The following PRKN variants were observed in gnomAD, a reference collection of about 807,000 sequenced individuals.
PRKN encodes parkin RBR E3 ubiquitin protein ligase, also known as E3 ubiquitin-protein ligase parkin.
PRKN carries 56 observed loss-of-function variants against 59.5 expected under a neutral mutation model. The ratio of observed to expected loss-of-function variants is 0.94; its 90% CI spans 0.76 to 1.18. The LOEUF (loss-of-function observed/expected upper bound fraction) is 1.18. Among genes scored for constraint, PRKN ranks in the 50% most tolerant of loss-of-function variants. The pLI is 0.00. For synonymous variants in PRKN, 250 were observed against 222.1 expected (o/e 1.13, Z -1.12); for missense variants, 657 against 596.4 (o/e 1.10, Z -1.06).
intron 9 of PRKN, among the ~76,000 whole-genome samples, chr6:161,439,295 G>A (rs1789077616): frequency 6.6e-6 from 1 of 152,210 alleles, no homozygotes; most frequent in Admixed American, 6.5e-5. Flanking sequence ...AGGAAATCAA[G>A]AGGGCAGAGC....
At chr6:161,505,048 G>C (rs1445152688) in intron 9 of PRKN, among the ~76,000 whole-genome samples, 3 of 151,636 alleles carry the variant, frequency 2.0e-5, no homozygotes, top group Non-Finnish European at 4.4e-5. Context: ...CCAGTAATGG[G>C]ATGGCTGGGT....
chr6:161,497,577 T>TCTCACACACA lies in PRKN; in HGVS notation c.1083+51276_1083+51277insTGTGTGTGAG, dbSNP rs369404858. 7.0e-4 allele frequency among the ~76,000 whole-genome samples: 103 copies of TCTCACACACA among 147,476 alleles called. No homozygotes were observed. Among genetic ancestry groups the TCTCACACACA allele is most frequent in the African/African-American group, 1.9e-3 (75 of 39,798 alleles). ...ATGTCTCTCTCTCTCTCTCTCTCTC[T>TCTCACACACA]CACACACACACACACACACACCATA... is the stretch of plus-strand genomic sequence containing the variant. On this transcript the variant is annotated intron_variant, in intron 9 of 11. Coordinates refer to ENST00000366898, the MANE Select transcript of PRKN (RefSeq NM_004562.3). This position sits in a 1 kb window ranked among gnomAD's most constrained non-coding sequence, Gnocchi z 4.6.
chr6:161,422,450 C>T (rs546031475), intron 9 of PRKN, among the ~76,000 whole-genome samples: 43 of 152,202 alleles, frequency 2.8e-4, no homozygotes, highest in African/African-American at 9.6e-4. Context: ...CCACCTGCCT[C>T]GGCCTCCCAA....
chr6:162,702,052 A>T (rs1778177209), intron 1 of PRKN, among the ~76,000 whole-genome samples: 1 of 152,126 alleles, frequency 6.6e-6, no homozygotes, highest in Non-Finnish European at 1.5e-5. Flanking sequence ...AGAACTAAAC[A>T]TCTCCTTTAA....
chr6:161,881,676 TC>T (rs1172651598), intron 6 of PRKN, among the ~76,000 whole-genome samples: 1 of 152,166 alleles, frequency 6.6e-6, no homozygotes, highest in Non-Finnish European at 1.5e-5. Context: ...AGGTTACATT[TC>T]ACAGACTATA....
intron 2 of PRKN, among the ~76,000 whole-genome samples, chr6:162,345,628 G>A (rs772323650): frequency 1.3e-5 from 2 of 152,136 alleles, no homozygotes; most frequent in Non-Finnish European, 2.9e-5. Flanking sequence ...AATTTTAAAT[G>A]GTAGCTTAGA....
intron 2 of PRKN, among the ~76,000 whole-genome samples, chr6:162,403,637 C>T (rs1489730848): frequency 6.6e-6 from 1 of 152,110 alleles, no homozygotes; most frequent in African/African-American, 2.4e-5. Context: ...GAAATAGTTA[C>T]TGAATCCCTG....
intron 5 of PRKN, among the ~76,000 whole-genome samples, chr6:162,013,978 T>A (rs922178591): frequency 3.6e-4 from 55 of 152,150 alleles, no homozygotes; most frequent in African/African-American, 1.2e-3. Context: ...CTGATTTTTT[T>A]AAACATAATA....
chr6:162,496,552 A>C (rs1310162849), intron 1 of PRKN, among the ~76,000 whole-genome samples: 2 of 152,200 alleles, frequency 1.3e-5, no homozygotes, highest in African/African-American at 4.8e-5. Context: ...AGTAGATAAT[A>C]AATGTCTCAG....
chr6:162,200,231 G>A (rs140845810), intron 4 of PRKN, among the ~76,000 whole-genome samples: 154 of 152,132 alleles, frequency 1.0e-3, no homozygotes, highest in African/African-American at 3.4e-3. Flanking sequence ...GGACACGCTC[G>A]GCCTGCATGC....
Position 161,446,958 on chromosome 6 carries a change from A to G in PRKN, c.1084-60081T>C, listed in dbSNP as rs1211797231. 6.6e-6 allele frequency among the ~76,000 whole-genome samples: 1 copy of G among 152,188 alleles called. No individual in the cohort carries two copies. Among genetic ancestry groups the G allele is most frequent in the Admixed American group, 6.5e-5 (1 of 15,280 alleles). On this transcript the variant is annotated intron_variant, in intron 9 of 11. Transcript: ENST00000366898. This position sits in a 1 kb window ranked among gnomAD's most constrained non-coding sequence, Gnocchi z 6.2. Reference sequence around the variant, plus strand: ...ACCCCAGGACATGGGAGCAGCTCCTATCCTTCCCAGGTGAAAAAGTGGGCT... The same window carrying G: ...ACCCCAGGACATGGGAGCAGCTCCTGTCCTTCCCAGGTGAAAAAGTGGGCT...
chr6:162,529,587 G>A (rs1404903822), intron 1 of PRKN, among the ~76,000 whole-genome samples: 2 of 152,186 alleles, frequency 1.3e-5, no homozygotes, highest in East Asian at 1.9e-4. Flanking sequence ...CCAGTCTCTC[G>A]AAAAGAAACA....
At chr6:162,497,534 G>A (rs201160608) in intron 1 of PRKN, among the ~76,000 whole-genome samples, 71 of 152,228 alleles carry the variant, frequency 4.7e-4, no homozygotes, top group African/African-American at 1.6e-3. Context: ...GGACTCAAAC[G>A]CCCTTTGTGC....
chr6:161,984,325 T>C (rs1055367035), intron 5 of PRKN, among the ~76,000 whole-genome samples: 9 of 152,168 alleles, frequency 5.9e-5, no homozygotes, highest in African/African-American at 1.4e-4. Flanking sequence ...AGGCGTGACC[T>C]TGGCTCACCG....
Position 161,463,203 on chromosome 6 carries a change from C to T in PRKN, c.1084-76326G>A, listed in dbSNP as rs1043379699. 5.3e-5 allele frequency among the ~76,000 whole-genome samples: 8 copies of T among 152,294 alleles called. No individual in the cohort carries two copies. The highest frequency in any genetic ancestry group is 1.2e-4 in the Non-Finnish European group (8 of 68,020). ...GTAGAATTCCTGAGGCATCCAGATT[C>T]AGCACGGCCTCTGGAAGGTGACTGC... On this transcript the variant is annotated intron_variant, in intron 9 of 11. Coordinates refer to ENST00000366898, the MANE Select transcript of PRKN (RefSeq NM_004562.3). The surrounding 1 kb of genome is among the most constrained non-coding windows in gnomAD (Gnocchi z 4.8).
intron 1 of PRKN, 94 bp from the exon 2 acceptor site, chr6:162,443,567 G>A (rs1790167994): frequency 1.6e-5 from 18 of 1,149,556 alleles, no homozygotes; most frequent in Middle Eastern, 1.9e-4. Flanking sequence ...TTTACCCCTC[G>A]CAGCCCTTCA....
chr6:162,219,728 C>T (rs565387778), intron 3 of PRKN, among the ~76,000 whole-genome samples: 1 of 151,868 alleles, frequency 6.6e-6, no homozygotes, highest in South Asian at 2.1e-4. Flanking sequence ...TGATTTGATT[C>T]TTCGGTCCAT....
intron 2 of PRKN, among the ~76,000 whole-genome samples, chr6:162,388,453 A>G (rs1786968278): frequency 6.6e-6 from 1 of 152,212 alleles, no homozygotes; most frequent in Non-Finnish European, 1.5e-5. Context: ...GAAAATGAAA[A>G]TTAAATGCAC....
In PRKN at chr6:161,405,890, A is replaced by G. The variant is rs1021066675; in HGVS notation, c.1084-19013T>C. Among the ~76,000 whole-genome samples the G allele has an allele frequency of 6.6e-6, 1 of 152,040 alleles. No homozygotes were observed. The highest frequency in any genetic ancestry group is 1.5e-5 in the Non-Finnish European group (1 of 68,014). The stretch of plus-strand genomic sequence containing the variant: ...TTAAAGTAGACTTTTGCTCCCACTA[A>G]TTTGGAAAATGATGCTTTTCTTTGC... On this transcript the variant is annotated intron_variant, in intron 9 of 11. Coordinates refer to ENST00000366898, the MANE Select transcript of PRKN (RefSeq NM_004562.3). This position sits in a 1 kb window ranked among gnomAD's most constrained non-coding sequence, Gnocchi z 5.1.
Sources: gnomAD v4.1 joint callset for allele counts (sites outside exome capture counted in the v4.1 genomes callset) on GRCh38, gnomAD v4.1.1 for gene constraint, Gnocchi (gnomAD v3.1) non-coding constraint, MANE v1.5 for transcripts, NCBI Gene and HGNC (gene_info 2026-07-23, HGNC 2026-07-21) for gene names.